SP140: variants seen among roughly 807,000 people sequenced by gnomAD.
SP140 encodes the protein SP140 nuclear body protein, also known as nuclear body protein SP140.
In SP140, 81 loss-of-function variants were observed where a neutral mutation model predicts 125.0. The ratio of observed to expected loss-of-function variants is 0.65; its 90% CI spans 0.54 to 0.78. The LOEUF is 0.78. SP140 is among the 30% of genes least tolerant of loss of function. The probability of loss-of-function intolerance (pLI) is 0.00; values close to 1 mark genes in which losing one functional copy is unlikely to be tolerated. For synonymous variants in SP140, 312 were observed against 354.0 expected, an observed-to-expected ratio of 0.88 and a Z score of 1.33; for missense variants, 858 against 1,037.0, an observed-to-expected ratio of 0.83 and a Z score of 2.37.
At chr2:230,269,767 C>A (rs1210923012) in intron 13 of SP140, 70 bp from the exon 14 acceptor site, 3 of 1,260,032 alleles carry the variant, frequency 2.4e-6, no homozygotes, top group East Asian at 4.7e-5. Context: ...GAAGGGGGAG[C>A]AACAAGGGTG....
upstream of SP140, among the ~76,000 whole-genome samples, chr2:230,198,286 A>G (rs979348874): frequency 1.3e-5 from 2 of 152,122 alleles, no homozygotes; most frequent in African/African-American, 2.4e-5. Context: ...AGTGACACCC[A>G]TCTCTCTGGC....
At chr2:230,251,103 C>T (rs1358944986) in intron 10 of SP140, 42 bp downstream of exon 10, 19 of 1,538,854 alleles carry the variant, frequency 1.2e-5, no homozygotes, top group Non-Finnish European at 1.3e-5. Flanking sequence ...TGCAGAGTGT[C>T]AGGAGGTTGA....
chr2:230,281,360 C>G (rs1232882165), intron 15 of SP140, among the ~76,000 whole-genome samples: 4 of 152,182 alleles, frequency 2.6e-5, no homozygotes, highest in Non-Finnish European at 4.4e-5. Flanking sequence ...TCCCCCTCAA[C>G]TACGTCAGAA....
chr2:230,310,532 CT>C lies in SP140; in HGVS notation c.2175-210del, dbSNP rs926430184. 1.1e-5 allele frequency: 13 copies of C among 1,165,036 alleles called. 1 individual carries two copies. In the African/African-American group the frequency reaches 2.0e-4, roughly 18 times the overall value. The allele number at this position is 1,165,036 out of a possible 1,614,324, so 72.2% of individuals were successfully genotyped here. A position where few individuals can be genotyped will look rare whatever the true frequency, so the allele number is the denominator to read the frequency against. On this transcript the variant is annotated intron_variant, in intron 23 of 26. Coordinates refer to ENST00000392045, the MANE Select transcript of SP140 (RefSeq NM_007237.5). ...CCACACTCACGGTGACACCACCTTC[CT>C]CAGACTTCCTGCCTGCTGCTACCAC...
chr2:230,207,257 T>C (rs1428833025), intron 1 of SP140, among the ~76,000 whole-genome samples: 1 of 152,200 alleles, frequency 6.6e-6, no homozygotes, highest in East Asian at 1.9e-4. Flanking sequence ...CTATTTTGAA[T>C]AGAAAGATTC....
At chr2:230,268,865 G>T (rs2053524126) in intron 12 of SP140, among the ~76,000 whole-genome samples, 1 of 152,158 alleles carries the variant, frequency 6.6e-6, no homozygotes, top group Non-Finnish European at 1.5e-5. Flanking sequence ...GATAATCTCG[G>T]CAGGAACTCC....
rs749328523 is a variant in SP140, at chr2:230,238,776, G to T, written c.406+395G>T. On this transcript the variant is annotated intron_variant, in intron 3 of 26. Coordinates refer to ENST00000392045, the MANE Select transcript of SP140 (RefSeq NM_007237.5). ...TTTGTATTAGAAAATTTATCATCCA[G>T]TGCAGTCCTGTGTCAACTTGTTTCT... 2.6e-6 allele frequency: 4 copies of T among 1,551,862 alleles called. No individual in the cohort carries two copies. The East Asian group carries it at 7.2e-5, about 28-fold the overall frequency.
chr2:230,284,264 T>A, intron 15 of SP140, 82 bp from the exon 16 acceptor site: 1 of 1,352,766 alleles, frequency 7.4e-7, no homozygotes, highest in Non-Finnish European at 1.0e-6. Flanking sequence ...TGAAAAAAAA[T>A]CTTTAATACT....
chr2:230,222,582 G>A (rs1452517127), upstream of SP140, among the ~76,000 whole-genome samples: 1 of 151,730 alleles, frequency 6.6e-6, no homozygotes, highest in Non-Finnish European at 1.5e-5. Context: ...AAATTAATTG[G>A]GCATGTTGGC....
intron 22 of SP140, among the ~76,000 whole-genome samples, chr2:230,305,217 C>T (rs1206212366): frequency 6.6e-6 from 1 of 152,218 alleles, no homozygotes; most frequent in African/African-American, 2.4e-5. Context: ...CCACCTTACT[C>T]CTGCAAGAAT....
At chr2:230,224,578 A>G (rs1275930546), upstream of SP140, among the ~76,000 whole-genome samples, 3 of 152,112 alleles carry the variant, frequency 2.0e-5, no homozygotes, top group Non-Finnish European at 4.4e-5. Context: ...TCAGTGTTCT[A>G]GAGTTTGTCT....
At chr2:230,209,359 G>C (rs1447680973) in intron 1 of SP140, among the ~76,000 whole-genome samples, 1 of 152,134 alleles carries the variant, frequency 6.6e-6, no homozygotes, top group Admixed American at 6.5e-5. Context: ...AGGCATCTAG[G>C]ATGATGCTGG....
At chr2:230,312,541 C>A in intron 26 of SP140, 45 bp from the exon 27 acceptor site, 1 of 1,303,092 alleles carries the variant, frequency 7.7e-7, no homozygotes, top group Non-Finnish European at 1.1e-6. Flanking sequence ...TGTCTCATGA[C>A]GCTAATGATG....
chr2:230,199,150 T>TG (rs1168283866), upstream of SP140, among the ~76,000 whole-genome samples: 25 of 98,652 alleles, frequency 2.5e-4, no homozygotes, highest in East Asian at 7.3e-3. Context: ...TTATTATTAT[T>TG]TTTTTTTTTT....
At chr2:230,306,975 G>C (rs2058822315) in intron 22 of SP140, among the ~76,000 whole-genome samples, 1 of 152,210 alleles carries the variant, frequency 6.6e-6, no homozygotes, top group Non-Finnish European at 1.5e-5. Flanking sequence ...GCCTTTCAAA[G>C]GCCTGCTCAT....
chr2:230,195,539 A>T, the SP140 span, among the ~76,000 whole-genome samples: 1 of 152,170 alleles, frequency 6.6e-6, no homozygotes, highest in African/African-American at 2.4e-5. Flanking sequence ...CATGTTGGCC[A>T]GGCTGGTCTT....
intron 3 of SP140, chr2:230,239,055 ATAAAGGGC>A: frequency 7.1e-7 from 1 of 1,404,922 alleles, no homozygotes; most frequent in Non-Finnish European, 9.2e-7. Flanking sequence ...TAAAGAAGGA[ATAAAGGGC>A]ATTTAAACGG....
chr2:230,284,834 A>G (rs17330341), intron 16 of SP140, among the ~76,000 whole-genome samples: 24,657 of 152,224 alleles, frequency 0.16, 2,439 homozygotes, highest in South Asian at 0.24. Context: ...TGATATACAC[A>G]TATGTAATTA....
At chr2:230,274,734 A>G (rs2054462790) in intron 15 of SP140, among the ~76,000 whole-genome samples, 1 of 152,112 alleles carries the variant, frequency 6.6e-6, no homozygotes. Context: ...CTAACAATTT[A>G]TATTTTTTCA....
Sources: gnomAD v4.1 joint callset for allele counts (sites outside exome capture counted in the v4.1 genomes callset) on GRCh38, gnomAD v4.1.1 for gene constraint, MANE v1.5 for transcripts, NCBI Gene and HGNC (gene_info 2026-07-23, HGNC 2026-07-21) for gene names.